Variants in NEIL2 observed in about 807,000 individuals in gnomAD.
The protein encoded by NEIL2 is endonuclease 8-like 2.
In NEIL2, 23 loss-of-function variants were observed where a neutral mutation model predicts 22.2. The observed-to-expected ratio is 1.04, with a 90% CI of 0.75 to 1.47. The LOEUF (loss-of-function observed/expected upper bound fraction) is 1.47, where lower values mean the gene tolerates loss of function less well. NEIL2 is among the 40% of genes most tolerant of loss of function. NEIL2 has a pLI of 0.00. For missense variants in NEIL2, 583 were observed against 404.7 expected (o/e 1.44, Z -3.78); for synonymous variants, 229 against 164.8 (o/e 1.39, Z -2.99).
chr8:11,786,132 C>T lies in NEIL2; in HGVS notation c.858C>T (p.Tyr286=). 6.2e-7 allele frequency: 1 copy of T among 1,614,120 alleles called. No homozygotes were observed. The highest frequency in any genetic ancestry group is 8.5e-7 in the Non-Finnish European group (1 of 1,180,018). The change falls in exon 5 of 5, where the codon TAC becomes TAT. Residue 286 remains tyrosine, a synonymous_variant. Coordinates refer to ENST00000284503, the MANE Select transcript of NEIL2 (RefSeq NM_145043.4). ...FQGRPQHTQV[Y]QKEQCPAGHQ... is the part of the protein sequence containing the mutation. Reference sequence around the variant, plus strand: ...GCAGACCGCAGCACACACAGGTCTACCAGAAAGAACAGTGCCCTGCTGGCC... The same window carrying T: ...GCAGACCGCAGCACACACAGGTCTATCAGAAAGAACAGTGCCCTGCTGGCC...
Position 11,783,229 on chromosome 8 carries a change from G to A in NEIL2, c.518G>A (p.Gly173Asp), listed in dbSNP as rs373334374. Residue 173 changes from glycine (G) to aspartate (D), a missense_variant, in exon 4 of 5, where the codon GGC (glycine) becomes GAC (aspartate). Physicochemically the swap from Gly to Asp is moderately conservative, Grantham distance 94. Coordinates refer to ENST00000284503, the MANE Select transcript of NEIL2 (RefSeq NM_145043.4). ...PRLVLHFGGG[G>D]FLAFYNCQLS... ...TTGGTCCTGCACTTTGGTGGTGGTG[G>A]CTTCCTGGCATTTTATAATTGTCAG... 2.9e-5 allele frequency: 47 copies of A among 1,614,224 alleles called. No individual in the cohort carries two copies. In the African/African-American group the frequency reaches 4.8e-4, roughly 16 times the overall value.
intron 3 of NEIL2, among the ~76,000 whole-genome samples, chr8:11,780,625 G>T (rs191321831): frequency 6.6e-6 from 1 of 152,112 alleles, no homozygotes; most frequent in African/African-American, 2.4e-5. Flanking sequence ...TCAAGCGATC[G>T]CCTACCTCCG....
rs148515773 is a variant in NEIL2 at position 11,780,358 on chromosome 8, T to A, written c.491+408T>A. Among the ~76,000 whole-genome samples, 94 of 152,304 alleles carry A rather than the reference T, an allele frequency of 6.2e-4. 2 individuals are homozygous for A. The East Asian group carries it at 0.018, about 28-fold the overall frequency. ...TAATTAACATTCAGTAGAATGCAGA[T>A]CTTAAGTATTCAGCTTGATGAGTTT... On this transcript the variant is annotated intron_variant, in intron 3 of 4. Transcript: ENST00000284503.
At chr8:11,781,595 C>T (rs1016791476) in intron 3 of NEIL2, among the ~76,000 whole-genome samples, 1 of 152,218 alleles carries the variant, frequency 6.6e-6, no homozygotes, top group Non-Finnish European at 1.5e-5. Flanking sequence ...CCTAGGTTTT[C>T]AGATATAGTG....
Position 11,785,960 on chromosome 8 carries a change from C to G in NEIL2, c.689-3C>G. On this transcript the variant is annotated splice_region_variant and splice_polypyrimidine_tract_variant and intron_variant, in intron 4 of 4. Transcript: ENST00000284503. ...TCCCTTACCTTCCCCCGCTTTATTTCAGGGAACATCATTAAGAATGAAGCC... is the reference window on the plus strand; with the variant it reads ...TCCCTTACCTTCCCCCGCTTTATTTGAGGGAACATCATTAAGAATGAAGCC... The G allele has an allele frequency of 6.2e-7, 1 of 1,613,772 alleles. No individual in the cohort carries two copies. The highest frequency in any genetic ancestry group is 2.2e-5 in the East Asian group (1 of 44,880).
chr8:11,778,908 T>C (rs1362928151), intron 2 of NEIL2, among the ~76,000 whole-genome samples: 4 of 115,040 alleles, frequency 3.5e-5, no homozygotes, highest in Non-Finnish European at 6.5e-5. Context: ...GCCAAGATGG[T>C]GCCACTACAC....
At chr8:11,780,097 T>C in intron 3 of NEIL2, 147 bp downstream of exon 3, 1 of 642,086 alleles carries the variant, frequency 1.6e-6, no homozygotes, top group Admixed American at 2.8e-5. Flanking sequence ...AGGCCACCTC[T>C]GTATCTACCT....
chr8:11,786,356 A>C lies in NEIL2; in HGVS notation c.*83A>C. 1 of 1,379,004 alleles carries C rather than the reference A, an allele frequency of 7.3e-7. No individual in the cohort carries two copies. Among genetic ancestry groups the C allele is most frequent in the Non-Finnish European group, 1.0e-6 (1 of 989,590 alleles). The allele number at this position is 1,379,004 out of a possible 1,614,324, so 85.4% of individuals were successfully genotyped here. On this transcript the variant is annotated 3_prime_UTR_variant, in exon 5 of 5. Coordinates refer to ENST00000284503, the MANE Select transcript of NEIL2 (RefSeq NM_145043.4). Reference sequence around the variant, plus strand: ...TCCAGAAAGGAGGATGTGGGCAGGGACGGGGTACAGAGGATAGTGTGGGTC... The same window carrying C: ...TCCAGAAAGGAGGATGTGGGCAGGGCCGGGGTACAGAGGATAGTGTGGGTC...
At chr8:11,778,942 T>TG (rs1188332101) in intron 2 of NEIL2, among the ~76,000 whole-genome samples, 1 of 1,994 alleles carries the variant, frequency 5.0e-4, no homozygotes, top group African/African-American at 7.3e-4. Context: ...AGACTCCATC[T>TG]GAAAAAAAAA....
At chr8:11,780,024 A>C in intron 3 of NEIL2, 74 bp downstream of exon 3, 2 of 1,315,732 alleles carry the variant, frequency 1.5e-6, no homozygotes, top group African/African-American at 2.9e-5. Context: ...TTGGGACTTC[A>C]GCAGTGGGGA....
At chr8:11,780,662 G>A (rs892426036) in intron 3 of NEIL2, among the ~76,000 whole-genome samples, 3 of 152,212 alleles carry the variant, frequency 2.0e-5, no homozygotes, top group Non-Finnish European at 4.4e-5. Context: ...GATTACAGGC[G>A]TGAGCCACCA....
At chr8:11,779,332 T>G (rs1167968874) in intron 2 of NEIL2, among the ~76,000 whole-genome samples, 1 of 152,196 alleles carries the variant, frequency 6.6e-6, no homozygotes, top group Non-Finnish European at 1.5e-5. Context: ...GCGATTCCCT[T>G]CAGGTATTCC....
intron 2 of NEIL2, among the ~76,000 whole-genome samples, chr8:11,778,722 C>T (rs969950014): frequency 8.6e-5 from 13 of 151,964 alleles, no homozygotes; most frequent in South Asian, 2.1e-4. Flanking sequence ...GAGGCCAAGA[C>T]GGGCAGATCG....
chr8:11,786,284 G>A lies in NEIL2; in HGVS notation c.*11G>A. 6.2e-7 allele frequency: 1 copy of A among 1,606,310 alleles called. No individual in the cohort carries two copies. Among genetic ancestry groups the A allele is most frequent in the Non-Finnish European group, 8.5e-7 (1 of 1,178,016 alleles). On this transcript the variant is annotated 3_prime_UTR_variant, in exon 5 of 5. Transcript: ENST00000284503. The stretch of plus-strand genomic sequence containing the variant: ...TGCCAGTTCTCCTAAGGAGCTGGTG[G>A]TGCTCCTCACGGAACCTTGCCGCTT...
At chr8:11,772,993 G>C (rs1427211114) in intron 2 of NEIL2, among the ~76,000 whole-genome samples, 1 of 152,084 alleles carries the variant, frequency 6.6e-6, no homozygotes. Flanking sequence ...CTGTAGCCCT[G>C]TACCCATAGT....
At chr8:11,783,103 G>A (rs896605054) in intron 3 of NEIL2, 100 bp from the exon 4 acceptor site, 18 of 953,414 alleles carry the variant, frequency 1.9e-5, no homozygotes, top group African/African-American at 3.2e-5. Context: ...TTGTGGTAAC[G>A]ATGTGGGGAT....
At chr8:11,785,581 C>T (rs1276303337) in intron 4 of NEIL2, among the ~76,000 whole-genome samples, 2 of 152,218 alleles carry the variant, frequency 1.3e-5, no homozygotes, top group Non-Finnish European at 2.9e-5. Context: ...TCATTTAATG[C>T]TCACAAAAAC....
At chr8:11,781,164 A>G (rs1363712064) in intron 3 of NEIL2, among the ~76,000 whole-genome samples, 1 of 130,788 alleles carries the variant, frequency 7.6e-6, no homozygotes, top group Admixed American at 7.8e-5. Context: ...TTAGAAGTGT[A>G]GTCTTTATTT....
At chr8:11,779,218 A>G (rs930491701) in intron 2 of NEIL2, among the ~76,000 whole-genome samples, 6 of 152,190 alleles carry the variant, frequency 3.9e-5, no homozygotes, top group Admixed American at 3.3e-4. Flanking sequence ...GTATGTGTGC[A>G]TTCCCACGCA....
Sources: allele counts gnomAD v4.1 joint callset (sites outside exome capture counted in the v4.1 genomes callset), GRCh38; gene constraint gnomAD v4.1.1; transcripts MANE v1.5; gene names NCBI Gene and HGNC (gene_info 2026-07-23, HGNC 2026-07-21).